Variants in NOL4L observed in about 807,000 individuals in gnomAD.
NOL4L encodes nucleolar protein 4-like.
Under a neutral mutation model 64.5 loss-of-function variants are expected in NOL4L, and 7 were observed. That is an observed-to-expected ratio of 0.11 (90% confidence interval 0.06 to 0.20). NOL4L has a LOEUF of 0.20. Among genes scored for constraint, NOL4L ranks in the 10% least tolerant of loss-of-function variants. The pLI is 1.00. For missense variants in NOL4L, 680 were observed against 967.1 expected, an observed-to-expected ratio of 0.70 and a Z score of 3.94; for synonymous variants, 413 against 401.0, an observed-to-expected ratio of 1.03 and a Z score of -0.36.
chr20:32,485,058 C>CAAAAAAAAAAAAAAAAAAA lies in NOL4L; in HGVS notation c.700-10335_700-10317dup, dbSNP rs57444583. 7.0e-3 allele frequency among the ~76,000 whole-genome samples: 125 copies of CAAAAAAAAAAAAAAAAAAA among 17,802 alleles called. 5 individuals carry two copies. Among genetic ancestry groups the CAAAAAAAAAAAAAAAAAAA allele is most frequent in the Middle Eastern group, 0.031 (1 of 32 alleles). The allele number at this position is 17,802 out of a possible 152,430, so 11.7% of individuals were successfully genotyped here. A position where few individuals can be genotyped will look rare whatever the true frequency, so the allele number is the denominator to read the frequency against. On this transcript the variant is annotated intron_variant, in intron 4 of 10. Coordinates refer to ENST00000621426, the MANE Select transcript of NOL4L (RefSeq NM_001256798.2). The stretch of plus-strand genomic sequence containing the variant: ...TCGTGGAATTCTGTGGGGAAATTGC[C>CAAAAAAAAAAAAAAAAAAA]AAAAAAAAAAAAAAAAAAAAAAAAA...
chr20:32,506,544 T>C (rs1012481613), intron 4 of NOL4L, among the ~76,000 whole-genome samples: 3 of 151,916 alleles, frequency 2.0e-5, no homozygotes, highest in South Asian at 2.1e-4. Flanking sequence ...GCCTGTAATC[T>C]CAGCTATTCA....
chr20:32,517,540 T>C (rs1439023618), intron 3 of NOL4L, among the ~76,000 whole-genome samples: 1 of 152,234 alleles, frequency 6.6e-6, no homozygotes, highest in Non-Finnish European at 1.5e-5. Context: ...TAGCAGACAG[T>C]GGAGCCTTTC....
intron 2 of NOL4L, among the ~76,000 whole-genome samples, chr20:32,525,719 T>TACAGGCAC (rs1393798121): frequency 3.3e-5 from 5 of 152,180 alleles, no homozygotes; most frequent in African/African-American, 1.2e-4. Flanking sequence ...CAGCTAGGAC[T>TACAGGCAC]ACAGGCACAC....
At chr20:32,493,847 C>T (rs1417362356) in intron 4 of NOL4L, among the ~76,000 whole-genome samples, 1 of 152,174 alleles carries the variant, frequency 6.6e-6, no homozygotes, top group Non-Finnish European at 1.5e-5. Flanking sequence ...CTTGTCCCTA[C>T]CCTGACTGTT....
intron 1 of NOL4L, among the ~76,000 whole-genome samples, chr20:32,566,531 G>A (rs908177976): frequency 6.6e-6 from 1 of 152,172 alleles, no homozygotes; most frequent in African/African-American, 2.4e-5. Context: ...AATACAGGGG[G>A]TGGGAGGAGC....
At position 32,485,058 on chromosome 20, in the gene NOL4L, CAA is replaced by C. The variant is rs57444583; in HGVS notation, c.700-10318_700-10317del. ...TCGTGGAATTCTGTGGGGAAATTGC[CAA>C]AAAAAAAAAAAAAAAAAAAAAAAAA... is the stretch of plus-strand genomic sequence containing the variant. On this transcript the variant is annotated intron_variant, in intron 4 of 10. Transcript: ENST00000621426. 9.4e-3 allele frequency among the ~76,000 whole-genome samples: 168 copies of C among 17,792 alleles called. 1 individual carries two copies. The highest frequency in any genetic ancestry group is 0.022 in the African/African-American group (127 of 5,742). The allele number at this position is 17,792 out of a possible 152,430, so 11.7% of individuals were successfully genotyped here.
chr20:32,547,055 T>C (rs924327247), intron 1 of NOL4L, among the ~76,000 whole-genome samples: 2 of 152,246 alleles, frequency 1.3e-5, no homozygotes, highest in Non-Finnish European at 2.9e-5. Flanking sequence ...CTGATGCCAC[T>C]GCCTTCCTTC....
Position 32,504,428 on chromosome 20 carries a change from C to T in NOL4L, c.699+6919G>A, listed in dbSNP as rs576231972. On this transcript the variant is annotated intron_variant, in intron 4 of 10. Transcript: ENST00000621426. ...ACAAAAAATTAGCCAGGTGTCATGG[C>T]GGGCGCCTGTAGTCCCAGCTACTCG... 1.4e-4 allele frequency among the ~76,000 whole-genome samples: 22 copies of T among 151,972 alleles called. No individual in the cohort carries two copies. The South Asian group carries it at 1.5e-3, about 10-fold the overall frequency.
intron 1 of NOL4L, among the ~76,000 whole-genome samples, chr20:32,556,348 C>T (rs1978656612): frequency 6.6e-6 from 1 of 152,048 alleles, no homozygotes; most frequent in Non-Finnish European, 1.5e-5. Flanking sequence ...AAATCAAATC[C>T]TTGCTGAAAA....
intron 1 of NOL4L, among the ~76,000 whole-genome samples, chr20:32,538,470 C>CCTCCCTCCCTCG (rs2018592590): frequency 2.5e-5 from 1 of 39,864 alleles, no homozygotes; most frequent in African/African-American, 3.2e-4. Context: ...TCGCTCCCTC[C>CCTCCCTCCCTCG]CTCCCTCCCT....
chr20:32,514,957 T>C (rs1437417777), intron 3 of NOL4L, among the ~76,000 whole-genome samples: 1 of 152,082 alleles, frequency 6.6e-6, no homozygotes, highest in Non-Finnish European at 1.5e-5. Flanking sequence ...CGTTGGGTGT[T>C]GCAGGGATTG....
chr20:32,560,101 G>A (rs1978915877), intron 1 of NOL4L, among the ~76,000 whole-genome samples: 1 of 152,252 alleles, frequency 6.6e-6, no homozygotes, highest in African/African-American at 2.4e-5. Flanking sequence ...GCAGGGCTGG[G>A]CAGCCCCAAG....
chr20:32,537,771 C>G (rs1025583501), intron 1 of NOL4L, among the ~76,000 whole-genome samples: 2 of 142,370 alleles, frequency 1.4e-5, no homozygotes, highest in Admixed American at 7.3e-5. Context: ...ACTGCCACAA[C>G]CCGCGTTTCT....
chr20:32,520,828 T>C lies in NOL4L; in HGVS notation c.572A>G (p.Asn191Ser), dbSNP rs746377076. The change falls in exon 3 of 11, where the codon AAT becomes AGT. Residue 191 changes from asparagine (N) to serine (S), a missense_variant. Asn to Ser is a conservative substitution (Grantham distance 46). This residue lies in a region of NOL4L where 181 missense variants were observed against 335.2 expected (regional missense o/e 0.54). Coordinates refer to ENST00000621426, the MANE Select transcript of NOL4L (RefSeq NM_001256798.2). ...ECQKRMHFNS[N>S]GLEPKENEPP... ...CCTGCTACCTTTGGGTTCCAGGCCA[T>C]TGGAGTTAAAGTGCATCCTCTTCTG... 10 of 1,549,186 alleles carry C rather than the reference T, an allele frequency of 6.5e-6. No individual in the cohort carries two copies. Among genetic ancestry groups the C allele is most frequent in the African/African-American group, 1.4e-5 (1 of 72,956 alleles).
intron 2 of NOL4L, among the ~76,000 whole-genome samples, chr20:32,524,854 AG>A (rs1231703246): frequency 6.6e-6 from 1 of 152,182 alleles, no homozygotes; most frequent in Non-Finnish European, 1.5e-5. Context: ...AAAAAGGAAA[AG>A]GGTGGCATGA....
At chr20:32,518,272 A>G (rs2017762807) in intron 3 of NOL4L, among the ~76,000 whole-genome samples, 1 of 152,250 alleles carries the variant, frequency 6.6e-6, no homozygotes, top group Admixed American at 6.5e-5. Context: ...AGAAAGCCCC[A>G]GGAAAGATGG....
chr20:32,449,173 G>A (rs536423844), intron 10 of NOL4L, among the ~76,000 whole-genome samples: 26 of 152,350 alleles, frequency 1.7e-4, no homozygotes, highest in Admixed American at 3.9e-4. Flanking sequence ...CAGAGCTGCC[G>A]CTTCCCTGGG....
intron 1 of NOL4L, among the ~76,000 whole-genome samples, chr20:32,552,319 G>T (rs1978347967): frequency 6.6e-6 from 1 of 152,140 alleles, no homozygotes; most frequent in African/African-American, 2.4e-5. Context: ...CAGGGTGACT[G>T]GCAGGCAGGG....
chr20:32,494,573 A>T (rs1361722166), intron 4 of NOL4L, among the ~76,000 whole-genome samples: 1 of 152,174 alleles, frequency 6.6e-6, no homozygotes, highest in Non-Finnish European at 1.5e-5. Context: ...TGTGGCAGAG[A>T]CTGTGAACCA....
Sources: allele counts gnomAD v4.1 joint callset (sites outside exome capture counted in the v4.1 genomes callset), GRCh38; gene constraint gnomAD v4.1.1; regional missense constraint gnomAD v4.1.1; transcripts MANE v1.5; gene names NCBI Gene and HGNC (gene_info 2026-07-23, HGNC 2026-07-21).